VWDE: variants seen among roughly 807,000 people sequenced by gnomAD.
VWDE encodes the protein von Willebrand factor D and EGF domains.
A neutral mutation model predicts 178.4 loss-of-function variants in VWDE; 207 were observed. That is an observed-to-expected ratio of 1.16 (90% CI 1.04 to 1.30). The LOEUF is 1.30. VWDE is among the 50% of genes most tolerant of loss of function. The pLI, the probability that VWDE is intolerant of heterozygous loss-of-function variation, is 0.00. For synonymous variants in VWDE, 738 were observed against 651.4 expected, an observed-to-expected ratio of 1.13 and a Z score of -2.02; for missense variants, 2,287 against 1,901.3, an observed-to-expected ratio of 1.20 and a Z score of -3.77.
At position 12,370,044 on chromosome 7, in the gene VWDE, G is replaced by A. The variant is rs1423363744; in HGVS notation, c.2262C>T (p.Asn754=). The A allele has an allele frequency of 6.4e-7, 1 of 1,551,390 alleles. No individual in the cohort carries two copies. Among genetic ancestry groups the A allele is most frequent in the African/African-American group, 1.4e-5 (1 of 73,010 alleles). The change falls in exon 12 of 29, where the codon AAC becomes AAT. Residue 754 remains asparagine (N), a synonymous_variant. Transcript: ENST00000275358. The part of the protein sequence containing the change: ...YNRQNRWKRQ[N]FHEFPPLFAF... ...CAAACAAAGGAGGAAACTCATGAAA[G>A]TTCTGCCGTTTCCATCTGTTTTGTC...
intron 10 of VWDE, among the ~76,000 whole-genome samples, 163 bp downstream of exon 10, chr7:12,372,814 T>C (rs1050443900): frequency 6.6e-6 from 1 of 152,132 alleles, no homozygotes; most frequent in Non-Finnish European, 1.5e-5. Context: ...TGTCTATTTG[T>C]GTGTGGTGAG....
intron 13 of VWDE, among the ~76,000 whole-genome samples, chr7:12,364,440 T>C (rs907588379): frequency 1.6e-4 from 25 of 152,218 alleles, no homozygotes; most frequent in African/African-American, 2.6e-4. Flanking sequence ...ATGTGATAAA[T>C]TGTTCAAAAA....
intron 12 of VWDE, among the ~76,000 whole-genome samples, 179 bp downstream of exon 12, chr7:12,369,366 C>T (rs2128555241): frequency 6.6e-6 from 1 of 152,210 alleles, no homozygotes; most frequent in East Asian, 1.9e-4. Context: ...TTGGCTTTTA[C>T]TCCAAATAAG....
chr7:12,388,696 G>C, intron 3 of VWDE: 1 of 276,424 alleles, frequency 3.6e-6, no homozygotes, highest in Non-Finnish European at 7.3e-6. Flanking sequence ...GCTCATCACC[G>C]TAACTCTGAG....
At chr7:12,349,268 G>C (rs1170685499) in intron 19 of VWDE, among the ~76,000 whole-genome samples, 1 of 110,520 alleles carries the variant, frequency 9.0e-6, no homozygotes, top group African/African-American at 4.0e-5. Context: ...TAAAATATAT[G>C]ATATTTAAAT....
chr7:12,339,999 G>A (rs1313355681), intron 24 of VWDE, among the ~76,000 whole-genome samples: 1 of 152,074 alleles, frequency 6.6e-6, no homozygotes, highest in African/African-American at 2.4e-5. Context: ...TTTTTGCTGT[G>A]TAGGCAACAA....
chr7:12,346,426 T>C (rs904179884), intron 19 of VWDE, among the ~76,000 whole-genome samples: 17 of 151,996 alleles, frequency 1.1e-4, no homozygotes, highest in Admixed American at 3.9e-4. Context: ...GAGTAAGTAA[T>C]TTTCCCTATA....
intron 18 of VWDE, chr7:12,354,388 C>T (rs866124179): frequency 2.3e-6 from 1 of 442,068 alleles, no homozygotes; most frequent in Middle Eastern, 3.3e-4. Context: ...TCCTTCTGGA[C>T]ATGAACCACA....
intron 17 of VWDE, among the ~76,000 whole-genome samples, 188 bp from the exon 18 acceptor site, chr7:12,356,518 C>T (rs73678106): frequency 0.017 from 2,564 of 151,984 alleles, 63 homozygotes; most frequent in African/African-American, 0.059. Context: ...AAGGCAATTA[C>T]GCCCACTCCC....
chr7:12,379,586 A>T lies in VWDE; in HGVS notation c.790-20T>A, dbSNP rs1351701170. The T allele has an allele frequency of 6.7e-7, 1 of 1,501,202 alleles. No individual in the cohort carries two copies. 93.0% of individuals were successfully genotyped at this position (1,501,202 alleles called of 1,614,324 possible). ...GAATATCTATGGATATAATTAAAAA[A>T]TAATCACTTAGAAATTCAATTTTGG... On this transcript the variant is annotated intron_variant, in intron 5 of 28. Coordinates refer to ENST00000275358, the MANE Select transcript of VWDE (RefSeq NM_001135924.3).
rs1449957112 is a variant in VWDE at position 12,337,256 on chromosome 7, G to A, written c.4383C>T (p.Pro1461=). Residue 1461 remains proline, a synonymous_variant, in exon 25 of 29, where the codon CCC becomes CCT. Transcript: ENST00000275358. ...EHCQNAFCHP[P]CKNGGHCMRN... Reference sequence around the variant, plus strand: ...TCATGCAGTGGCCACCATTCTTACAGGGAGGGTGACAGAAAGCTAAAAGAA... The same window carrying A: ...TCATGCAGTGGCCACCATTCTTACAAGGAGGGTGACAGAAAGCTAAAAGAA... 6.4e-7 allele frequency: 1 copy of A among 1,551,888 alleles called. No homozygotes were observed. Among genetic ancestry groups the A allele is most frequent in the Non-Finnish European group, 8.7e-7 (1 of 1,146,994 alleles).
At chr7:12,375,263 G>T in intron 7 of VWDE, 36 bp from the exon 8 acceptor site, 1 of 1,419,830 alleles carries the variant, frequency 7.0e-7, no homozygotes, top group Non-Finnish European at 9.7e-7. Context: ...AAATTTCCAA[G>T]AGAATATACT....
In VWDE at chr7:12,356,188, T is replaced by A; in HGVS notation, c.3668A>T (p.Gln1223Leu). The A allele has an allele frequency of 6.4e-7, 1 of 1,551,576 alleles. No homozygotes were observed. The highest frequency in any genetic ancestry group is 8.7e-7 in the Non-Finnish European group (1 of 1,146,952). The change falls in exon 18 of 29, where the codon CAA (glutamine) becomes CTA (leucine). Residue 1223 changes from glutamine (Q) to leucine (L), a missense_variant. Coordinates refer to ENST00000275358, the MANE Select transcript of VWDE (RefSeq NM_001135924.3). ...GCTGCCAAGACCACAAGGGTTGGAT[T>A]GGCACCCACTAATGTCCACTTCACA... The part of the protein sequence containing the change: ...SLCEVDISGC[Q>L]SNPCGLGSYI...
chr7:12,399,454 G>C (rs1053037742), intron 1 of VWDE, among the ~76,000 whole-genome samples: 1 of 151,980 alleles, frequency 6.6e-6, no homozygotes, highest in African/African-American at 2.4e-5. Flanking sequence ...GAAACGCAGG[G>C]AAAAAATACA....
chr7:12,343,109 C>A lies in VWDE; in HGVS notation c.4148G>T (p.Gly1383Val), dbSNP rs369817888. The A allele has an allele frequency of 8.1e-5, 125 of 1,549,532 alleles. No individual in the cohort carries two copies. Among genetic ancestry groups the A allele is most frequent in the Non-Finnish European group, 1.0e-4 (117 of 1,145,636 alleles). The change falls in exon 22 of 29, where the codon GGT becomes GTT. Residue 1383 changes from glycine (G) to valine (V), a missense_variant. By Grantham distance (109) the Gly-to-Val change is moderately radical. Coordinates refer to ENST00000275358, the MANE Select transcript of VWDE (RefSeq NM_001135924.3). ...TGTTTCACACCTTGGTCCTACAAAA[C>A]CATAAGGACAAGTGCAGAGATTCCC... ...LAGNLCTCPYGFVGPRCETMV... is the reference protein window; with the variant it reads ...LAGNLCTCPYVFVGPRCETMV...
intron 2 of VWDE, among the ~76,000 whole-genome samples, chr7:12,389,682 A>C (rs994224196): frequency 2.6e-5 from 4 of 152,242 alleles, no homozygotes; most frequent in African/African-American, 9.6e-5. Flanking sequence ...TTCTAAAATA[A>C]GACAAGTCAA....
chr7:12,401,660 T>C (rs982371942), intron 1 of VWDE, among the ~76,000 whole-genome samples: 10 of 152,106 alleles, frequency 6.6e-5, no homozygotes, highest in South Asian at 2.1e-4. Context: ...GATGGAAACA[T>C]GAAGAAGTTA....
chr7:12,375,357 AT>A (rs1360187499), intron 7 of VWDE, 130 bp from the exon 8 acceptor site: 1 of 860,058 alleles, frequency 1.2e-6, no homozygotes, highest in Non-Finnish European at 1.7e-6. Flanking sequence ...CTTAAAACAT[AT>A]GGTTGCAAAT....
intron 4 of VWDE, among the ~76,000 whole-genome samples, chr7:12,381,477 G>C (rs1352067356): frequency 1.1e-4 from 16 of 151,994 alleles, no homozygotes; most frequent in Non-Finnish European, 2.4e-4. Context: ...TTATAAATAT[G>C]CTAATTTTAG....
Sources: allele counts gnomAD v4.1 joint callset (sites outside exome capture counted in the v4.1 genomes callset), GRCh38; gene constraint gnomAD v4.1.1; transcripts MANE v1.5; gene names NCBI Gene and HGNC (gene_info 2026-07-23, HGNC 2026-07-21).